The following LRCH1 variants were observed in gnomAD, a reference collection of about 807,000 sequenced individuals.
LRCH1 encodes leucine rich repeats and calponin homology domain containing 1, also known as leucine-rich repeat and calponin homology domain-containing protein 1.
In LRCH1, 23 loss-of-function variants were observed where a neutral mutation model predicts 94.9. The observed-to-expected ratio is 0.24, with a 90% CI of 0.17 to 0.34. The LOEUF (loss-of-function observed/expected upper bound fraction) is 0.34. Among genes scored for constraint, LRCH1 ranks in the 10% least tolerant of loss-of-function variants. LRCH1 has a pLI of 1.00. For missense variants in LRCH1, 790 were observed against 945.9 expected (o/e 0.84, Z 2.16); for synonymous variants, 364 against 354.9 (o/e 1.03, Z -0.29).
intron 1 of LRCH1, among the ~76,000 whole-genome samples, chr13:46,631,508 G>T (rs899375842): frequency 6.6e-6 from 1 of 152,180 alleles, no homozygotes; most frequent in Admixed American, 6.5e-5. Context: ...AGCAATTTGT[G>T]GAAGACCGTT....
At chr13:46,711,719 A>C in intron 13 of LRCH1, 72 bp from the exon 14 acceptor site, 1 of 1,158,694 alleles carries the variant, frequency 8.6e-7, no homozygotes. Context: ...TGGCAGTAAG[A>C]AAGATGAATT....
chr13:46,564,906 CT>C (rs1298829220), intron 1 of LRCH1, among the ~76,000 whole-genome samples: 3 of 152,120 alleles, frequency 2.0e-5, no homozygotes, highest in African/African-American at 7.2e-5. Context: ...ACTTTCTGTC[CT>C]TAATTTCCAT....
intron 1 of LRCH1, among the ~76,000 whole-genome samples, chr13:46,626,083 GTTT>G (rs2138034764): frequency 6.6e-6 from 1 of 152,230 alleles, no homozygotes; most frequent in African/African-American, 2.4e-5. Context: ...CTTCCTTCAT[GTTT>G]TTATGTTTCT....
At chr13:46,734,854 A>T (rs892455531) in intron 19 of LRCH1, among the ~76,000 whole-genome samples, 1 of 152,232 alleles carries the variant, frequency 6.6e-6, no homozygotes, top group East Asian at 1.9e-4. Flanking sequence ...TTAAAAATAC[A>T]TGCGATACTG....
At chr13:46,575,146 T>G (rs1043769701) in intron 1 of LRCH1, among the ~76,000 whole-genome samples, 1 of 152,178 alleles carries the variant, frequency 6.6e-6, no homozygotes. Flanking sequence ...CTTTCATTCC[T>G]GTTCTACATT....
chr13:46,726,506 A>T (rs950754783), intron 17 of LRCH1, among the ~76,000 whole-genome samples: 1 of 152,186 alleles, frequency 6.6e-6, no homozygotes, highest in Non-Finnish European at 1.5e-5. Flanking sequence ...AAAGTTTTAG[A>T]CCATAAATGT....
At chr13:46,748,455 T>C, downstream of LRCH1, among the ~76,000 whole-genome samples, 1 of 152,162 alleles carries the variant, frequency 6.6e-6, no homozygotes, top group East Asian at 1.9e-4. Context: ...TCAGAGCCAA[T>C]AGAATGAGGA....
chr13:46,745,319 C>T (rs1873865745), downstream of LRCH1, among the ~76,000 whole-genome samples: 1 of 151,452 alleles, frequency 6.6e-6, no homozygotes, highest in Non-Finnish European at 1.5e-5. Flanking sequence ...TCTAGTAGGT[C>T]CTTAGACAAG....
Position 46,742,121 on chromosome 13 carries a change from C to T in LRCH1, c.*273C>T. ...TGCTTCCTCATCCACATAGTGCCAGCAGCAGTGCCACGCAGTTCCTCCTCT... is the reference window on the plus strand; with the variant it reads ...TGCTTCCTCATCCACATAGTGCCAGTAGCAGTGCCACGCAGTTCCTCCTCT... On this transcript the variant is annotated 3_prime_UTR_variant, in exon 20 of 20. Transcript: ENST00000389797. 1.6e-6 allele frequency: 2 copies of T among 1,280,586 alleles called. No individual in the cohort carries two copies. The allele number at this position is 1,280,586 out of a possible 1,614,324, so 79.3% of individuals were successfully genotyped here.
chr13:46,716,715 TGGCAGA>T (rs1460370420), intron 16 of LRCH1, among the ~76,000 whole-genome samples: 1 of 152,212 alleles, frequency 6.6e-6, no homozygotes, highest in Non-Finnish European at 1.5e-5. Flanking sequence ...ATGTATACTT[TGGCAGA>T]GTAGTTATAA....
chr13:46,611,358 C>T (rs1448094755), intron 1 of LRCH1, among the ~76,000 whole-genome samples: 1 of 152,194 alleles, frequency 6.6e-6, no homozygotes, highest in Non-Finnish European at 1.5e-5. Context: ...GTATGGACCA[C>T]TTCTTCTGGA....
intron 16 of LRCH1, among the ~76,000 whole-genome samples, chr13:46,721,936 G>A (rs1348904114): frequency 6.6e-6 from 1 of 152,226 alleles, no homozygotes; most frequent in Non-Finnish European, 1.5e-5. Context: ...GAGAATGCAT[G>A]TTCAAAGGCA....
At chr13:46,594,966 C>T (rs894615443) in intron 1 of LRCH1, among the ~76,000 whole-genome samples, 2 of 152,166 alleles carry the variant, frequency 1.3e-5, no homozygotes, top group Non-Finnish European at 2.9e-5. Context: ...TGAACTTCAT[C>T]TAAAGAGTGT....
At chr13:46,723,457 G>A in intron 17 of LRCH1, 127 bp downstream of exon 17, 1 of 704,992 alleles carries the variant, frequency 1.4e-6, no homozygotes, top group South Asian at 1.9e-5. Context: ...GTGACTGCTG[G>A]ATGTTGGGCA....
chr13:46,708,917 T>G (rs1225384496), intron 13 of LRCH1, among the ~76,000 whole-genome samples: 1 of 152,192 alleles, frequency 6.6e-6, no homozygotes, highest in African/African-American at 2.4e-5. Context: ...AGTACCTAAC[T>G]ACTACACAGT....
intron 19 of LRCH1, among the ~76,000 whole-genome samples, chr13:46,739,684 C>G (rs571054040): frequency 7.2e-5 from 11 of 152,186 alleles, no homozygotes; most frequent in Admixed American, 5.2e-4. Flanking sequence ...ACACAATCAT[C>G]ATGGTGCTTC....
intron 19 of LRCH1, 148 bp downstream of exon 19, chr13:46,734,146 C>T (rs1035111424): frequency 2.3e-6 from 1 of 431,420 alleles, no homozygotes; most frequent in African/African-American, 2.1e-5. Context: ...ATTATATAAA[C>T]TTTAACTTGC....
intron 1 of LRCH1, among the ~76,000 whole-genome samples, chr13:46,632,198 G>A (rs2051026101): frequency 6.8e-6 from 1 of 147,226 alleles, no homozygotes; most frequent in Non-Finnish European, 1.5e-5. Context: ...GCAAGACTCT[G>A]TCTAAAAAAA....
rs779378255 is a variant in LRCH1, at chr13:46,711,803, C to G, written c.1540C>G (p.Leu514Val). 6.2e-7 allele frequency: 1 copy of G among 1,613,024 alleles called. No individual in the cohort carries two copies. The highest frequency in any genetic ancestry group is 1.7e-5 in the Admixed American group (1 of 59,966). Residue 514 changes from leucine (L) to valine (V), a missense_variant, in exon 14 of 20, where the codon CTA (leucine) becomes GTA (valine). This residue lies in a region of LRCH1 where 460 missense variants were observed against 508.9 expected (regional missense o/e 0.90). Transcript: ENST00000389797. ...CTTCTTTTTTAAGGTGCAAAGTGAT[C>G]TAACATTACAGAGTAACGGGAGCCA... ...TSPVCEVQSD[L>V]TLQSNGSQYS... is the part of the protein sequence containing the mutation.
Sources: gnomAD v4.1 joint callset for allele counts (sites outside exome capture counted in the v4.1 genomes callset) on GRCh38, gnomAD v4.1.1 for gene constraint, gnomAD v4.1.1 regional missense constraint, MANE v1.5 for transcripts, NCBI Gene and HGNC (gene_info 2026-07-23, HGNC 2026-07-21) for gene names.